The following SLC22A2 variants were observed in gnomAD, a reference collection of about 807,000 sequenced individuals.
The protein encoded by SLC22A2 is organic cation transporter 2.
SLC22A2 carries 46 observed loss-of-function variants against 60.5 expected under a neutral mutation model. The ratio of observed to expected loss-of-function variants is 0.76; its 90% CI spans 0.60 to 0.97. SLC22A2 has a LOEUF of 0.97. Among genes scored for constraint, SLC22A2 ranks in the 50% least tolerant of loss-of-function variants. The pLI, the probability that SLC22A2 is intolerant of heterozygous loss-of-function variation, is 0.00. For synonymous variants in SLC22A2, 303 were observed against 267.0 expected (o/e 1.13, Z -1.31); for missense variants, 701 against 706.6 (o/e 0.99, Z 0.09).
chr6:160,253,018 G>A (rs1163160630), intron 2 of SLC22A2, among the ~76,000 whole-genome samples: 1 of 152,190 alleles, frequency 6.6e-6, no homozygotes, highest in Non-Finnish European at 1.5e-5. Flanking sequence ...CTTTAGTTCT[G>A]CTTTTGATGC....
rs537470934 is a variant in SLC22A2, at chr6:160,220,671, G to A, written c.1602-3173C>T. Among the ~76,000 whole-genome samples, 3 of 152,300 alleles carry A rather than the reference G, an allele frequency of 2.0e-5. No homozygotes were observed. In the South Asian group the frequency reaches 6.2e-4, roughly 32 times the overall value. On this transcript the variant is annotated intron_variant, in intron 10 of 10. Coordinates refer to ENST00000366953, the MANE Select transcript of SLC22A2 (RefSeq NM_003058.4). ...AAAACTACTCCTTGATCCATGGGCT[G>A]CAGAATGGATGTTGTGTTAGCAGGC...
At chr6:160,234,227 C>T (rs1318015964) in intron 9 of SLC22A2, among the ~76,000 whole-genome samples, 1 of 152,188 alleles carries the variant, frequency 6.6e-6, no homozygotes, top group Non-Finnish European at 1.5e-5. Context: ...CACTGACTCT[C>T]TTTTCGGACT....
chr6:160,238,096 A>C (rs1324109442), intron 9 of SLC22A2, among the ~76,000 whole-genome samples: 2 of 152,204 alleles, frequency 1.3e-5, no homozygotes, highest in African/African-American at 4.8e-5. Flanking sequence ...GCCATTCTTT[A>C]TTTGTTTACT....
chr6:160,217,331 TTTGG>T lies in SLC22A2; in HGVS notation c.*97_*100del. 1 of 701,894 alleles carries T rather than the reference TTTGG, an allele frequency of 1.4e-6. No homozygotes were observed. The highest frequency in any genetic ancestry group is 2.4e-6 in the Non-Finnish European group (1 of 410,060). 43.5% of individuals were successfully genotyped at this position (701,894 alleles called of 1,614,324 possible). On this transcript the variant is annotated 3_prime_UTR_variant, in exon 11 of 11. Coordinates refer to ENST00000366953, the MANE Select transcript of SLC22A2 (RefSeq NM_003058.4). ...TAGGTTGATAGGGCTCAGGGGTAAG[TTTGG>T]TTGAGTTGTATGGGCTTTGTGATGA...
intron 5 of SLC22A2, among the ~76,000 whole-genome samples, chr6:160,245,858 C>T (rs1295876377): frequency 6.7e-6 from 1 of 148,994 alleles, no homozygotes; most frequent in African/African-American, 2.5e-5. Context: ...CCACAATGCC[C>T]AGCTTTTTTT....
chr6:160,231,928 A>G (rs1338830183), intron 9 of SLC22A2, among the ~76,000 whole-genome samples: 2 of 151,920 alleles, frequency 1.3e-5, no homozygotes, highest in Non-Finnish European at 2.9e-5. Flanking sequence ...TGCGCCCTGT[A>G]GCCCTTTTAT....
At chr6:160,227,831 T>G (rs1340798467) in intron 9 of SLC22A2, among the ~76,000 whole-genome samples, 1 of 152,178 alleles carries the variant, frequency 6.6e-6, no homozygotes, top group East Asian at 1.9e-4. Flanking sequence ...TCAAACAGGC[T>G]GCAGTAAAGC....
chr6:160,223,401 G>A (rs1475597963), intron 10 of SLC22A2, among the ~76,000 whole-genome samples: 1 of 152,098 alleles, frequency 6.6e-6, no homozygotes, highest in Admixed American at 6.5e-5. Flanking sequence ...TTATATATAT[G>A]TCTTTCACTA....
At chr6:160,253,513 G>T (rs1377301573) in intron 2 of SLC22A2, among the ~76,000 whole-genome samples, 1 of 152,092 alleles carries the variant, frequency 6.6e-6, no homozygotes, top group Non-Finnish European at 1.5e-5. Context: ...GTTTGGTCTG[G>T]TGTCCAAGCC....
chr6:160,244,794 A>G (rs1229927593), intron 6 of SLC22A2: 1 of 152,160 alleles, frequency 6.6e-6, no homozygotes, highest in Non-Finnish European at 1.5e-5. Flanking sequence ...CTGGGTGGAG[A>G]TCCAATGTGC....
At chr6:160,229,311 C>T (rs1782779327) in intron 9 of SLC22A2, among the ~76,000 whole-genome samples, 1 of 151,888 alleles carries the variant, frequency 6.6e-6, no homozygotes. Flanking sequence ...ATTTCAGTTC[C>T]TTTCCTTTTC....
At chr6:160,252,456 G>A (rs1354578773) in intron 2 of SLC22A2, among the ~76,000 whole-genome samples, 1 of 152,218 alleles carries the variant, frequency 6.6e-6, no homozygotes, top group Non-Finnish European at 1.5e-5. Flanking sequence ...GGGAAGCAAT[G>A]CTACTTAAAA....
intron 9 of SLC22A2, among the ~76,000 whole-genome samples, chr6:160,236,232 T>A (rs981448686): frequency 1.3e-5 from 2 of 152,174 alleles, no homozygotes; most frequent in African/African-American, 4.8e-5. Context: ...GAAAATACTT[T>A]CAGGACTCTC....
In SLC22A2 at chr6:160,241,474, C is replaced by A. The variant is rs545123045; in HGVS notation, c.1501G>T (p.Gly501Cys). The change falls in exon 9 of 11, where the codon GGC becomes TGC. Residue 501 changes from glycine (G) to cysteine (C), a missense_variant and splice_region_variant. Transcript: ENST00000366953. ...AAAGACATCTGTGAAGATTTCTTACCGAAAACCATCAGCGGGAGCTCAAGC... is the reference window on the plus strand; with the variant it reads ...AAAGACATCTGTGAAGATTTCTTACAGAAAACCATCAGCGGGAGCTCAAGC... ...IWLELPLMVF[G>C]VLGLVAGGLV... is the part of the protein sequence containing the mutation. 1.2e-6 allele frequency: 2 copies of A among 1,603,428 alleles called. No individual in the cohort carries two copies. The highest frequency in any genetic ancestry group is 1.3e-5 in the African/African-American group (1 of 74,570).
At chr6:160,253,932 T>A (rs1465480084) in intron 2 of SLC22A2, among the ~76,000 whole-genome samples, 1 of 152,156 alleles carries the variant, frequency 6.6e-6, no homozygotes. Context: ...AAACTGGGGC[T>A]TTCCCTCCCA....
chr6:160,238,640 G>A (rs1386249805), intron 9 of SLC22A2, among the ~76,000 whole-genome samples: 1 of 152,094 alleles, frequency 6.6e-6, no homozygotes, highest in East Asian at 1.9e-4. Context: ...GTGTGGAAAA[G>A]AAAGAGAAAG....
intron 2 of SLC22A2, among the ~76,000 whole-genome samples, chr6:160,252,389 A>AT (rs1783202220): frequency 6.6e-6 from 1 of 152,236 alleles, no homozygotes; most frequent in Non-Finnish European, 1.5e-5. Context: ...TGAAACTCAG[A>AT]GCAAGAAAAT....
At position 160,239,093 on chromosome 6, in the gene SLC22A2, G is replaced by A. The variant is rs147035488; in HGVS notation, c.1501+2381C>T. On this transcript the variant is annotated intron_variant, in intron 9 of 10. Transcript: ENST00000366953. ...CCAAACCCACCAAAACCAAGATGGC[G>A]ATGGAAGTGACCTCTGGTCATCCTC... 2.5e-3 allele frequency among the ~76,000 whole-genome samples: 375 copies of A among 152,272 alleles called. 1 individual carries two copies. Among genetic ancestry groups the A allele is most frequent in the South Asian group, 5.8e-3 (28 of 4,818 alleles).
rs367716868 is a variant in SLC22A2 at position 160,219,409 on chromosome 6, C to T, written c.1602-1911G>A. On this transcript the variant is annotated intron_variant, in intron 10 of 10. Coordinates refer to ENST00000366953, the MANE Select transcript of SLC22A2 (RefSeq NM_003058.4). ...CAGCAGCAGCAACAACATCAGCCAC[C>T]GGTGAGTGACTACTAACTAAATACC... 8.3e-4 allele frequency among the ~76,000 whole-genome samples: 68 copies of T among 82,306 alleles called. No individual in the cohort carries two copies. The South Asian group carries it at 8.4e-3, about 10-fold the overall frequency. The allele number at this position is 82,306 out of a possible 152,430, so 54.0% of individuals were successfully genotyped here.
Sources: gnomAD v4.1 joint callset for allele counts (sites outside exome capture counted in the v4.1 genomes callset) on GRCh38, gnomAD v4.1.1 for gene constraint, MANE v1.5 for transcripts, NCBI Gene and HGNC (gene_info 2026-07-23, HGNC 2026-07-21) for gene names.